The following CUX1 variants were observed in gnomAD, a reference collection of about 807,000 sequenced individuals.
CUX1 encodes the protein protein CASP.
A neutral mutation model predicts 158.8 loss-of-function variants in CUX1; 31 were observed. That is an observed-to-expected ratio of 0.20 (90% CI 0.15 to 0.26). The LOEUF is 0.26. Among genes scored for constraint, CUX1 ranks in the 10% least tolerant of loss-of-function variants. The pLI is 1.00. For synonymous variants in CUX1, 879 were observed against 862.1 expected (o/e 1.02, Z -0.34); for missense variants, 1,589 against 2,014.6 (o/e 0.79, Z 4.04).
intron 21 of CUX1, among the ~76,000 whole-genome samples, chr7:102,231,278 C>T (rs1041664439): frequency 6.6e-6 from 1 of 152,106 alleles, no homozygotes; most frequent in African/African-American, 2.4e-5. Context: ...GATCTGCCCG[C>T]CTCAACCTCC....
At chr7:102,005,431 C>A (rs933643270) in intron 2 of CUX1, among the ~76,000 whole-genome samples, 3 of 152,174 alleles carry the variant, frequency 2.0e-5, no homozygotes, top group African/African-American at 7.2e-5. Flanking sequence ...AGCTCCTGGG[C>A]TCAAGCGATG....
intron 8 of CUX1, among the ~76,000 whole-genome samples, chr7:102,135,566 T>C (rs1232622125): frequency 7.4e-6 from 1 of 135,598 alleles, no homozygotes; most frequent in Non-Finnish European, 1.6e-5. Context: ...TGTGTGTGTG[T>C]GTGTTTGTGT....
chr7:102,064,640 A>G (rs995007273), intron 3 of CUX1, among the ~76,000 whole-genome samples: 2 of 151,600 alleles, frequency 1.3e-5, no homozygotes, highest in African/African-American at 2.4e-5. Flanking sequence ...CCTCCCTCCC[A>G]CGGATGCTCT....
intron 1 of CUX1, among the ~76,000 whole-genome samples, chr7:101,830,023 G>T (rs138719873): frequency 5.3e-5 from 8 of 152,214 alleles, no homozygotes; most frequent in Non-Finnish European, 1.0e-4. Flanking sequence ...TGGGCGGTTC[G>T]GTGAGTGCTA....
chr7:102,204,916 C>A (rs782015945), intron 19 of CUX1, among the ~76,000 whole-genome samples, 198 bp from the exon 20 acceptor site: 3 of 152,226 alleles, frequency 2.0e-5, no homozygotes, highest in Non-Finnish European at 4.4e-5. Flanking sequence ...TGGAAGATGT[C>A]ACAGGCGAAA....
chr7:102,102,049 T>A lies in CUX1; in HGVS notation c.407-2287T>A, dbSNP rs540575561. Among the ~76,000 whole-genome samples, 3 of 152,286 alleles carry A rather than the reference T, an allele frequency of 2.0e-5. No individual in the cohort carries two copies. In the East Asian group the frequency reaches 5.8e-4, roughly 29 times the overall value. On this transcript the variant is annotated intron_variant, in intron 5 of 23. Coordinates refer to ENST00000292535, the MANE Select transcript of CUX1 (RefSeq NM_181552.4). ...TGGAAGTGTCCAGCTCTTGCCTCACTTTGGCCTCGTCCGTATGGCTTGAGA... is the reference window on the plus strand; with the variant it reads ...TGGAAGTGTCCAGCTCTTGCCTCACATTGGCCTCGTCCGTATGGCTTGAGA...
At chr7:101,857,474 T>C (rs146376900) in intron 1 of CUX1, among the ~76,000 whole-genome samples, 4 of 152,328 alleles carry the variant, frequency 2.6e-5, no homozygotes, top group African/African-American at 9.6e-5. Flanking sequence ...ATGAGGACTG[T>C]AGGCCTCCGA....
intron 2 of CUX1, among the ~76,000 whole-genome samples, chr7:101,936,742 C>T (rs1806993094): frequency 6.6e-6 from 1 of 152,174 alleles, no homozygotes; most frequent in Admixed American, 6.5e-5. Flanking sequence ...GGCCTCCTCG[C>T]TTTGGGGTTT....
At chr7:102,042,404 G>A (rs1822220209) in intron 3 of CUX1, among the ~76,000 whole-genome samples, 1 of 152,122 alleles carries the variant, frequency 6.6e-6, no homozygotes, top group South Asian at 2.1e-4. Context: ...TCTTTCTCCT[G>A]GTAACAAGTT....
intron 2 of CUX1, among the ~76,000 whole-genome samples, chr7:102,019,010 G>A (rs1289574983): frequency 6.6e-6 from 1 of 152,102 alleles, no homozygotes; most frequent in Non-Finnish European, 1.5e-5. Flanking sequence ...AGGATCGTTG[G>A]CTTAGTGGCA....
At chr7:101,863,107 C>T (rs557749982) in intron 1 of CUX1, among the ~76,000 whole-genome samples, 1 of 152,258 alleles carries the variant, frequency 6.6e-6, no homozygotes, top group African/African-American at 2.4e-5. Context: ...ACAGATACAT[C>T]AGTGTGTATC....
chr7:101,880,998 A>G (rs1278949696), intron 1 of CUX1, among the ~76,000 whole-genome samples: 1 of 152,156 alleles, frequency 6.6e-6, no homozygotes, highest in Non-Finnish European at 1.5e-5. Flanking sequence ...TCTTTGATTG[A>G]TTTTGGGGGA....
chr7:101,909,716 C>T (rs1803201784), intron 1 of CUX1, among the ~76,000 whole-genome samples: 1 of 152,182 alleles, frequency 6.6e-6, no homozygotes, highest in Non-Finnish European at 1.5e-5. Flanking sequence ...AACAAGAATA[C>T]TTGTGTTGCT....
intron 8 of CUX1, among the ~76,000 whole-genome samples, chr7:102,140,833 C>T (rs1834370475): frequency 6.6e-6 from 1 of 151,672 alleles, no homozygotes; most frequent in South Asian, 2.1e-4. Flanking sequence ...CCACTGTACT[C>T]CAGCCTGGGG....
chr7:102,062,950 C>G (rs745926045), intron 3 of CUX1, among the ~76,000 whole-genome samples: 1 of 152,114 alleles, frequency 6.6e-6, no homozygotes, highest in Non-Finnish European at 1.5e-5. Flanking sequence ...ATTAAAAATA[C>G]GAAAATTAGC....
chr7:101,871,598 C>T (rs559036783), intron 1 of CUX1, among the ~76,000 whole-genome samples: 38 of 151,980 alleles, frequency 2.5e-4, no homozygotes, highest in African/African-American at 5.8e-4. Context: ...GTGCAAGAGC[C>T]GGAAGGATGC....
intron 15 of CUX1, 88 bp from the exon 16 acceptor site, chr7:102,198,714 C>T (rs1035003800): frequency 5.2e-6 from 6 of 1,157,128 alleles, no homozygotes; most frequent in Middle Eastern, 1.9e-4. Context: ...TAGTGACAGG[C>T]GGCTCAGATT....
intron 8 of CUX1, among the ~76,000 whole-genome samples, chr7:102,123,060 G>A (rs1353256449): frequency 1.3e-5 from 2 of 152,004 alleles, no homozygotes; most frequent in Non-Finnish European, 2.9e-5. Context: ...GTGAAACCCC[G>A]TCTCTACTAA....
At chr7:101,928,659 C>T (rs1238952796) in intron 2 of CUX1, among the ~76,000 whole-genome samples, 4 of 144,266 alleles carry the variant, frequency 2.8e-5, no homozygotes, top group African/African-American at 1.0e-4. Flanking sequence ...CCACCACACC[C>T]GGCCTCACAA....
Sources: allele counts gnomAD v4.1 joint callset (sites outside exome capture counted in the v4.1 genomes callset), GRCh38; gene constraint gnomAD v4.1.1; transcripts MANE v1.5; gene names NCBI Gene and HGNC (gene_info 2026-07-23, HGNC 2026-07-21).